Variants in ATP10A observed in about 807,000 individuals in gnomAD.
The protein encoded by ATP10A is phospholipid-transporting ATPase VA.
ATP10A carries 111 observed loss-of-function variants against 147.8 expected under a neutral mutation model. The observed-to-expected ratio is 0.75, with a 90% CI of 0.64 to 0.88. The LOEUF (loss-of-function observed/expected upper bound fraction) is 0.88, where lower values mean the gene tolerates loss of function less well. ATP10A is among the 40% of genes least tolerant of loss of function. The pLI, the probability that ATP10A is intolerant of heterozygous loss-of-function variation, is 0.00. For synonymous variants in ATP10A, 875 were observed against 841.6 expected (o/e 1.04, Z -0.69); for missense variants, 1,927 against 1,959.0 (o/e 0.98, Z 0.31).
At chr15:25,833,295 T>A (rs1016871560) in intron 1 of ATP10A, among the ~76,000 whole-genome samples, 1 of 152,162 alleles carries the variant, frequency 6.6e-6, no homozygotes, top group East Asian at 1.9e-4. Context: ...TATTTTTTTA[T>A]TTTTATCTTT....
chr15:25,733,781 G>C (rs758516889), intron 3 of ATP10A, among the ~76,000 whole-genome samples: 1 of 152,252 alleles, frequency 6.6e-6, no homozygotes, highest in African/African-American at 2.4e-5. Context: ...TGGAGTACAC[G>C]AGGAGACAAC....
At chr15:25,816,055 T>C (rs1891641830) in intron 1 of ATP10A, among the ~76,000 whole-genome samples, 1 of 150,934 alleles carries the variant, frequency 6.6e-6, no homozygotes, top group Non-Finnish European at 1.5e-5. Flanking sequence ...ATAATTGACT[T>C]ATAGGAAAAT....
chr15:25,792,262 A>G (rs1890460546), intron 1 of ATP10A, among the ~76,000 whole-genome samples: 1 of 152,154 alleles, frequency 6.6e-6, no homozygotes, highest in Non-Finnish European at 1.5e-5. Flanking sequence ...CAGTGCCACC[A>G]TTAGCTTCAG....
At chr15:25,682,598 C>CA (rs748539429) in intron 17 of ATP10A, among the ~76,000 whole-genome samples, 11 of 152,224 alleles carry the variant, frequency 7.2e-5, no homozygotes, top group Non-Finnish European at 1.6e-4. Flanking sequence ...CCTGAAGCAA[C>CA]AGATAACAAG....
At chr15:25,725,856 G>A in intron 5 of ATP10A, 95 bp downstream of exon 5, 8 of 1,401,194 alleles carry the variant, frequency 5.7e-6, no homozygotes, top group Non-Finnish European at 7.6e-6. Context: ...GACCTCAAGT[G>A]ATCTGCCCGC....
At chr15:25,851,701 A>G (rs1372391371) in intron 1 of ATP10A, among the ~76,000 whole-genome samples, 1 of 152,120 alleles carries the variant, frequency 6.6e-6, no homozygotes, top group Non-Finnish European at 1.5e-5. Context: ...ATTCTTTCCA[A>G]AAGCTGTCCA....
intron 1 of ATP10A, among the ~76,000 whole-genome samples, chr15:25,825,267 G>T (rs1479905878): frequency 6.6e-6 from 1 of 152,134 alleles, no homozygotes; most frequent in Non-Finnish European, 1.5e-5. Flanking sequence ...TGGCTATGAG[G>T]TGGGGCAAAC....
At chr15:25,775,332 C>T (rs747980580) in intron 2 of ATP10A, among the ~76,000 whole-genome samples, 23 of 152,306 alleles carry the variant, frequency 1.5e-4, no homozygotes, top group Non-Finnish European at 3.4e-4. Context: ...CTTCTGAATT[C>T]TGTCAAGTAA....
chr15:25,733,953 G>A (rs941363949), intron 3 of ATP10A, among the ~76,000 whole-genome samples: 15 of 152,348 alleles, frequency 9.8e-5, no homozygotes, highest in African/African-American at 3.4e-4. Context: ...GCTGGCTGCA[G>A]GCAGATGACA....
At chr15:25,745,046 C>T (rs1368184619) in intron 2 of ATP10A, among the ~76,000 whole-genome samples, 1 of 152,176 alleles carries the variant, frequency 6.6e-6, no homozygotes, top group East Asian at 1.9e-4. Context: ...GAAATTGGGG[C>T]CGGGCGCGGT....
chr15:25,712,641 A>G lies in ATP10A; in HGVS notation c.2344+1033T>C, dbSNP rs73362924. Among the ~76,000 whole-genome samples, 773 of 152,262 alleles carry G rather than the reference A, an allele frequency of 5.1e-3. 7 individuals are homozygous for G. The highest frequency in any genetic ancestry group is 0.018 in the African/African-American group (749 of 41,532). ...CGATTTTCAGAAGAAGCTTCCTAGAACTCAAACTGTGTCCATGAATTGGAT... is the reference window on the plus strand; with the variant it reads ...CGATTTTCAGAAGAAGCTTCCTAGAGCTCAAACTGTGTCCATGAATTGGAT... On this transcript the variant is annotated intron_variant, in intron 10 of 20. Coordinates refer to ENST00000555815, the MANE Select transcript of ATP10A (RefSeq NM_024490.4).
chr15:25,795,079 A>G (rs766587593), intron 1 of ATP10A, among the ~76,000 whole-genome samples: 1 of 152,188 alleles, frequency 6.6e-6, no homozygotes, highest in African/African-American at 2.4e-5. Flanking sequence ...GTTCTCTCCT[A>G]TCTTTATTTA....
intron 1 of ATP10A, among the ~76,000 whole-genome samples, chr15:25,788,934 A>G (rs188489118): frequency 6.6e-6 from 1 of 152,328 alleles, no homozygotes; most frequent in Admixed American, 6.5e-5. Context: ...TGCCTTATAG[A>G]TGAAACAGGT....
intron 4 of ATP10A, among the ~76,000 whole-genome samples, chr15:25,726,918 G>C (rs1480837016): frequency 6.6e-6 from 1 of 151,072 alleles, no homozygotes; most frequent in Admixed American, 6.6e-5. Context: ...AAAGGAGCCG[G>C]GCGTGGCGGG....
Position 25,718,287 on chromosome 15 carries a change from C to T in ATP10A, c.1476G>A (p.Val492=), listed in dbSNP as rs1228126805. ...ACTTGGTGCTCTGGGTTCTGTGCAC[C>T]ACCCGGACACTCTGGTGGCTGCCGA... ...GSIGSHQSVR[V]VHRTQSTKSH... is the part of the protein sequence containing the mutation. The change falls in exon 8 of 21, where the codon GTG becomes GTA. Residue 492 remains valine (V), a synonymous_variant. Transcript: ENST00000555815. The T allele has an allele frequency of 6.2e-7, 1 of 1,612,116 alleles. No individual in the cohort carries two copies. Among genetic ancestry groups the T allele is most frequent in the African/African-American group, 1.3e-5 (1 of 74,920 alleles).
intron 2 of ATP10A, among the ~76,000 whole-genome samples, chr15:25,767,916 C>A (rs1356361265): frequency 6.6e-6 from 1 of 152,182 alleles, no homozygotes; most frequent in Admixed American, 6.5e-5. Context: ...AACATGCCAA[C>A]CTGGATGGGT....
intron 16 of ATP10A, 72 bp downstream of exon 16, chr15:25,687,631 C>A: frequency 1.1e-6 from 1 of 912,406 alleles, no homozygotes; most frequent in African/African-American, 1.8e-5. Context: ...TCCTCCTTCG[C>A]CTCATTCAGG....
chr15:25,821,091 GAAAC>G (rs1220567817), intron 1 of ATP10A, among the ~76,000 whole-genome samples: 1 of 152,144 alleles, frequency 6.6e-6, no homozygotes, highest in Non-Finnish European at 1.5e-5. Context: ...AACTGGCAAA[GAAAC>G]AGGCAATTTA....
In ATP10A at chr15:25,679,043, A is replaced by T. The variant is rs1899214121; in HGVS notation, c.*298T>A. ...ACTCAGTGCGCAGTCACACATGTTG[A>T]AGAAAACAAATCGTACTGCTTGTTC... On this transcript the variant is annotated 3_prime_UTR_variant, in exon 21 of 21. Coordinates refer to ENST00000555815, the MANE Select transcript of ATP10A (RefSeq NM_024490.4). 6.3e-6 allele frequency: 1 copy of T among 159,424 alleles called. No individual in the cohort carries two copies. 9.9% of individuals were successfully genotyped at this position (159,424 alleles called of 1,614,324 possible). A position where few individuals can be genotyped will look rare whatever the true frequency, so the allele number is the denominator to read the frequency against.
Sources: allele counts gnomAD v4.1 joint callset (sites outside exome capture counted in the v4.1 genomes callset), GRCh38; gene constraint gnomAD v4.1.1; transcripts MANE v1.5; gene names NCBI Gene and HGNC (gene_info 2026-07-23, HGNC 2026-07-21).